Variants in PRIM1 observed in about 807,000 individuals in gnomAD.
The protein encoded by PRIM1 is DNA primase small subunit.
A neutral mutation model predicts 60.2 loss-of-function variants in PRIM1; 38 were observed. That is an observed-to-expected ratio of 0.63 (90% CI 0.49 to 0.83). The LOEUF (loss-of-function observed/expected upper bound fraction) is 0.83, where lower values mean the gene tolerates loss of function less well. PRIM1 is among the 40% of genes least tolerant of loss of function. The pLI is 0.00. For missense variants in PRIM1, 388 were observed against 506.2 expected, an observed-to-expected ratio of 0.77 and a Z score of 2.24; for synonymous variants, 158 against 160.2, an observed-to-expected ratio of 0.99 and a Z score of 0.10.
rs932018633 is a variant in PRIM1 at position 56,733,750 on chromosome 12, C to T, written c.1243+397G>A. ...GATTACAGGTGCCTGCCACCACGCC[C>T]AGCTAATTTTTTGTATTTTTAGTAG... On this transcript the variant is annotated intron_variant, in intron 12 of 12. Coordinates refer to ENST00000338193, the MANE Select transcript of PRIM1 (RefSeq NM_000946.3). Among the ~76,000 whole-genome samples, 4 of 151,836 alleles carry T rather than the reference C, an allele frequency of 2.6e-5. No homozygotes were observed. In the East Asian group the frequency reaches 5.8e-4, roughly 22 times the overall value.
chr12:56,747,761 G>C (rs1214836238), intron 2 of PRIM1, among the ~76,000 whole-genome samples: 3 of 152,048 alleles, frequency 2.0e-5, no homozygotes, highest in Non-Finnish European at 2.9e-5. Flanking sequence ...AAGAACCTGA[G>C]AGGTTAATTC....
intron 2 of PRIM1, among the ~76,000 whole-genome samples, chr12:56,750,160 C>T (rs994999282): frequency 1.3e-5 from 2 of 152,070 alleles, no homozygotes; most frequent in Non-Finnish European, 2.9e-5. Context: ...GAGCAGCCAC[C>T]AGAGAATGTT....
chr12:56,733,150 C>T (rs868234603), intron 12 of PRIM1, among the ~76,000 whole-genome samples: 10 of 145,806 alleles, frequency 6.9e-5, no homozygotes, highest in South Asian at 2.2e-4. Flanking sequence ...CCACCGTGTC[C>T]GGCCTAGGGT....
chr12:56,741,020 C>T (rs1460099234), intron 9 of PRIM1, among the ~76,000 whole-genome samples: 3 of 152,026 alleles, frequency 2.0e-5, no homozygotes, highest in Non-Finnish European at 4.4e-5. Flanking sequence ...AGACATGTGG[C>T]CTAGGCTGGT....
chr12:56,737,909 GA>G (rs918116203), intron 11 of PRIM1, among the ~76,000 whole-genome samples: 1 of 151,724 alleles, frequency 6.6e-6, no homozygotes, highest in African/African-American at 2.4e-5. Context: ...ATATTTAGCA[GA>G]GTTGGGGTTT....
chr12:56,746,479 A>C lies in PRIM1; in HGVS notation c.443-298T>G, dbSNP rs1953907846. The C allele has an allele frequency of 1.2e-5, 7 of 566,668 alleles. No individual in the cohort carries two copies. In the Admixed American group the frequency reaches 1.9e-4, roughly 15 times the overall value. The allele number at this position is 566,668 out of a possible 1,614,324, so 35.1% of individuals were successfully genotyped here. Reference sequence around the variant, plus strand: ...AACGCTGCCTCTACTAAAAATACAAAAATTAACTGGGCGTGGTGGCGTGCG... The same window carrying C: ...AACGCTGCCTCTACTAAAAATACAACAATTAACTGGGCGTGGTGGCGTGCG... On this transcript the variant is annotated intron_variant, in intron 4 of 12. Transcript: ENST00000338193.
chr12:56,734,377 A>C (rs1260822358), intron 11 of PRIM1, 132 bp from the exon 12 acceptor site: 1 of 570,278 alleles, frequency 1.8e-6, no homozygotes, highest in African/African-American at 1.9e-5. Context: ...CATACTTTTA[A>C]ATACTATATT....
At chr12:56,745,728 TAG>T (rs528576555) in intron 5 of PRIM1, among the ~76,000 whole-genome samples, 1 of 152,062 alleles carries the variant, frequency 6.6e-6, no homozygotes, top group Non-Finnish European at 1.5e-5. Flanking sequence ...CACCTGAGGC[TAG>T]GAGTTCTAGG....
At position 56,738,470 on chromosome 12, in the gene PRIM1, TCTC is replaced by T. The variant is rs751196208; in HGVS notation, c.1105_1107del (p.Glu369del). 9 of 1,588,096 alleles carry T rather than the reference TCTC, an allele frequency of 5.7e-6. No individual in the cohort carries two copies. In the African/African-American group the frequency reaches 1.2e-4, roughly 21 times the overall value. On this transcript the variant is annotated inframe_deletion, in exon 11 of 13. Coordinates refer to ENST00000338193, the MANE Select transcript of PRIM1 (RefSeq NM_000946.3). ...TGTTTGACATCAGATTCAGCTTCAT[TCTC>T]CTCTTTTTCCTCTTCATTAGTGGAA...
intron 12 of PRIM1, among the ~76,000 whole-genome samples, chr12:56,732,419 A>C (rs1392877733): frequency 6.6e-6 from 1 of 152,046 alleles, no homozygotes; most frequent in Non-Finnish European, 1.5e-5. Flanking sequence ...CCTTTCGGAG[A>C]TCTCCAGTGC....
chr12:56,732,402 A>C lies in PRIM1; in HGVS notation c.1244-668T>G, dbSNP rs554216741. 1.7e-4 allele frequency among the ~76,000 whole-genome samples: 26 copies of C among 152,202 alleles called. No individual in the cohort carries two copies. In the East Asian group the frequency reaches 4.8e-3, roughly 28 times the overall value. ...AGCAAGTCTCAAGGATGGTTCCAGT[A>C]TTTGCACCTTTCGGAGATCTCCAGT... On this transcript the variant is annotated intron_variant, in intron 12 of 12. Transcript: ENST00000338193.
intron 2 of PRIM1, among the ~76,000 whole-genome samples, chr12:56,747,860 A>T (rs924181667): frequency 1.3e-5 from 2 of 152,166 alleles, no homozygotes; most frequent in East Asian, 3.8e-4. Context: ...GTAAGGAAAG[A>T]TAAGAGGCGC....
At chr12:56,740,706 G>A (rs906568741) in intron 9 of PRIM1, among the ~76,000 whole-genome samples, 2 of 151,998 alleles carry the variant, frequency 1.3e-5, no homozygotes, top group South Asian at 2.1e-4. Flanking sequence ...TCGGTGAGCC[G>A]AGATTGCACC....
intron 2 of PRIM1, among the ~76,000 whole-genome samples, chr12:56,747,464 AGCTG>A (rs1953915959): frequency 6.6e-6 from 1 of 152,212 alleles, no homozygotes; most frequent in Non-Finnish European, 1.5e-5. Flanking sequence ...GGCTATGAGA[AGCTG>A]GGCACAGTGG....
chr12:56,740,172 C>T (rs188500439), intron 9 of PRIM1, among the ~76,000 whole-genome samples: 33 of 151,808 alleles, frequency 2.2e-4, no homozygotes, highest in Admixed American at 1.6e-3. Context: ...AAACAAAAAC[C>T]AATAAGCAAA....
chr12:56,752,213 C>A lies in PRIM1; in HGVS notation c.86G>T (p.Trp29Leu). The A allele has an allele frequency of 6.2e-7, 1 of 1,600,648 alleles. No individual in the cohort carries two copies. Among genetic ancestry groups the A allele is most frequent in the Non-Finnish European group, 8.5e-7 (1 of 1,173,318 alleles). Residue 29 changes from tryptophan (W) to leucine (L), a missense_variant, in exon 1 of 13, where the codon TGG becomes TTG. By Grantham distance (61) the Trp-to-Leu change is moderately conservative. This residue lies in a region of PRIM1 where 156 missense variants were observed against 175.8 expected (regional missense o/e 0.89). Transcript: ENST00000338193. The stretch of plus-strand genomic sequence containing the variant: ...TCCATCACCTCCACCGTAGTTGAGC[C>A]AGCGATAGTACTGAGAGTAGGGAAA... ...RLFPYSQYYR[W>L]LNYGGVIKNY...
chr12:56,731,668 GTGGT>G lies in PRIM1; in HGVS notation c.*43_*46del. The G allele has an allele frequency of 6.8e-7, 1 of 1,469,788 alleles. No homozygotes were observed. Among genetic ancestry groups the G allele is most frequent in the East Asian group, 2.5e-5 (1 of 40,518 alleles). The allele number at this position is 1,469,788 out of a possible 1,614,324, so 91.0% of individuals were successfully genotyped here. The stretch of plus-strand genomic sequence containing the variant: ...AAATGGCTCTTGAAGTATTTGATCT[GTGGT>G]TGAAGGCAGAAGATATCCACAATGG... On this transcript the variant is annotated 3_prime_UTR_variant, in exon 13 of 13. Coordinates refer to ENST00000338193, the MANE Select transcript of PRIM1 (RefSeq NM_000946.3).
At chr12:56,737,286 T>G (rs879834764) in intron 11 of PRIM1, among the ~76,000 whole-genome samples, 1 of 151,976 alleles carries the variant, frequency 6.6e-6, no homozygotes, top group Non-Finnish European at 1.5e-5. Flanking sequence ...GTGCAAAAAT[T>G]GTCTTCCACA....
chr12:56,751,339 G>A, intron 1 of PRIM1, 144 bp from the exon 2 acceptor site: 1 of 542,924 alleles, frequency 1.8e-6, no homozygotes, highest in Non-Finnish European at 3.1e-6. Context: ...GAGTGCAGTG[G>A]CTCGATAAAG....
Sources: gnomAD v4.1 joint callset for allele counts (sites outside exome capture counted in the v4.1 genomes callset) on GRCh38, gnomAD v4.1.1 for gene constraint, gnomAD v4.1.1 regional missense constraint, MANE v1.5 for transcripts, NCBI Gene and HGNC (gene_info 2026-07-23, HGNC 2026-07-21) for gene names.